Variants in CSMD1 observed in about 807,000 individuals in gnomAD.
The protein encoded by CSMD1 is CUB and sushi domain-containing protein 1.
In CSMD1, 213 loss-of-function variants were observed where a neutral mutation model predicts 417.5. That is an observed-to-expected ratio of 0.51 (90% CI 0.46 to 0.57). The LOEUF (loss-of-function observed/expected upper bound fraction) is 0.57, where lower values mean the gene tolerates loss of function less well. CSMD1 is among the 20% of genes least tolerant of loss of function. CSMD1 has a pLI of 0.00. For synonymous variants in CSMD1, 2,862 were observed against 1,736.8 expected, an observed-to-expected ratio of 1.65 and a Z score of -16.11; for missense variants, 6,923 against 4,529.7, an observed-to-expected ratio of 1.53 and a Z score of -15.17.
chr8:4,687,566 T>C (rs933467640), intron 1 of CSMD1, among the ~76,000 whole-genome samples: 9 of 152,308 alleles, frequency 5.9e-5, no homozygotes, highest in African/African-American at 2.2e-4. Flanking sequence ...AGAAATTTTA[T>C]AGGAGCATCA....
At chr8:4,453,905 T>C (rs1252105995) in intron 2 of CSMD1, among the ~76,000 whole-genome samples, 2 of 133,248 alleles carry the variant, frequency 1.5e-5, no homozygotes, top group Admixed American at 8.8e-5. Context: ...CACTGCCAGC[T>C]CCGCCTCCCA....
intron 7 of CSMD1, among the ~76,000 whole-genome samples, chr8:3,648,845 T>A (rs74419593): frequency 6.6e-6 from 1 of 152,218 alleles, no homozygotes; most frequent in Non-Finnish European, 1.5e-5. Flanking sequence ...TCTTATGTTA[T>A]GTTGTTACCA....
intron 39 of CSMD1, among the ~76,000 whole-genome samples, chr8:3,157,293 C>A (rs973513765): frequency 6.6e-6 from 1 of 152,140 alleles, no homozygotes; most frequent in Non-Finnish European, 1.5e-5. Flanking sequence ...CTTGTGACCA[C>A]CACCTTCAAT....
rs554529208 is a variant in CSMD1 at position 4,927,159 on chromosome 8, T to C, written c.85+67173A>G. Reference sequence around the variant, plus strand: ...CTCACTCTGTTGCACCAGGCTGGAGTGCAATGGCACAATCTCAGCTCAGGG... The same window carrying C: ...CTCACTCTGTTGCACCAGGCTGGAGCGCAATGGCACAATCTCAGCTCAGGG... On this transcript the variant is annotated intron_variant, in intron 1 of 69. Transcript: ENST00000635120. Among the ~76,000 whole-genome samples the C allele has an allele frequency of 9.3e-5, 14 of 151,080 alleles. No individual in the cohort carries two copies. In the South Asian group the frequency reaches 2.7e-3, roughly 29 times the overall value.
chr8:4,255,423 G>A (rs892383404), intron 3 of CSMD1, among the ~76,000 whole-genome samples: 1 of 152,164 alleles, frequency 6.6e-6, no homozygotes, highest in African/African-American at 2.4e-5. Context: ...AGTAAAAATT[G>A]CTGTTTTCTC....
intron 5 of CSMD1, among the ~76,000 whole-genome samples, chr8:3,880,619 T>C (rs1214568935): frequency 2.0e-5 from 3 of 152,246 alleles, no homozygotes; most frequent in African/African-American, 7.2e-5. Flanking sequence ...TTCTCCATTT[T>C]AAATCTAGGA....
intron 3 of CSMD1, among the ~76,000 whole-genome samples, chr8:4,385,867 A>G (rs1282170200): frequency 1.3e-5 from 2 of 152,234 alleles, no homozygotes; most frequent in East Asian, 1.9e-4. Context: ...TTAAAAATAT[A>G]TGCTTAAAAA....
At chr8:3,091,181 T>A (rs889421474) in intron 48 of CSMD1, among the ~76,000 whole-genome samples, 1 of 152,060 alleles carries the variant, frequency 6.6e-6, no homozygotes, top group Non-Finnish European at 1.5e-5. Context: ...AATACAATTA[T>A]CTTTTTCTAT....
At chr8:3,253,849 T>G (rs971389937) in intron 26 of CSMD1, among the ~76,000 whole-genome samples, 2 of 152,234 alleles carry the variant, frequency 1.3e-5, no homozygotes, top group African/African-American at 4.8e-5. Flanking sequence ...CTGTGTCTTT[T>G]AGTTGGAGCA....
At chr8:3,374,238 C>A (rs900937775) in intron 18 of CSMD1, among the ~76,000 whole-genome samples, 1 of 152,064 alleles carries the variant, frequency 6.6e-6, no homozygotes, top group Non-Finnish European at 1.5e-5. Flanking sequence ...AGATTACAGG[C>A]GTGAGCCACC....
chr8:4,292,261 G>C (rs886867355), intron 3 of CSMD1, among the ~76,000 whole-genome samples: 6 of 151,762 alleles, frequency 4.0e-5, no homozygotes, highest in Non-Finnish European at 8.8e-5. Context: ...TTGTTGTTTA[G>C]TTTTGTTTTG....
intron 7 of CSMD1, among the ~76,000 whole-genome samples, chr8:3,645,692 A>G (rs1797539430): frequency 6.6e-6 from 1 of 152,206 alleles, no homozygotes; most frequent in South Asian, 2.1e-4. Flanking sequence ...TTGCCTTTGA[A>G]AGAACTTTAC....
At chr8:4,860,865 C>A (rs1353032448) in intron 1 of CSMD1, among the ~76,000 whole-genome samples, 2 of 152,082 alleles carry the variant, frequency 1.3e-5, no homozygotes, top group African/African-American at 4.8e-5. Context: ...ACGTTCACAT[C>A]CCTGCTTCTC....
Position 4,802,352 on chromosome 8 carries a change from C to CGTGT in CSMD1, c.86-164798_86-164795dup, listed in dbSNP as rs34030430. Among the ~76,000 whole-genome samples the CGTGT allele has an allele frequency of 3.6e-3, 520 of 146,400 alleles. 2 individuals carry two copies. Among genetic ancestry groups the CGTGT allele is most frequent in the African/African-American group, 6.8e-3 (264 of 38,872 alleles). On this transcript the variant is annotated intron_variant, in intron 1 of 69. Transcript: ENST00000635120. ...AACAAGCAAAATGAGTGTGTGCGCG[C>CGTGT]GTGTGTGTGTGTGTGTGTGTGTGTG...
intron 28 of CSMD1, among the ~76,000 whole-genome samples, chr8:3,222,785 T>C (rs1453018936): frequency 6.6e-6 from 1 of 152,204 alleles, no homozygotes; most frequent in Non-Finnish European, 1.5e-5. Context: ...TGTGGCAGTT[T>C]AGTAAATTCA....
In CSMD1 at chr8:4,172,121, G is replaced by C. The variant is rs77214156; in HGVS notation, c.416-140022C>G. ...GTTTATCATGCGGATCATTTCAGTAGGTGCATGACTACCTAAAATTTGAAA... is the reference window on the plus strand; with the variant it reads ...GTTTATCATGCGGATCATTTCAGTACGTGCATGACTACCTAAAATTTGAAA... On this transcript the variant is annotated intron_variant, in intron 3 of 69. Transcript: ENST00000635120. Among the ~76,000 whole-genome samples the C allele has an allele frequency of 1.3e-4, 20 of 152,060 alleles. 1 individual carries two copies. The highest frequency in any genetic ancestry group is 4.8e-4 in the African/African-American group (20 of 41,444).
chr8:4,218,815 A>C (rs1171741165), intron 3 of CSMD1, among the ~76,000 whole-genome samples: 1 of 152,134 alleles, frequency 6.6e-6, no homozygotes, highest in Non-Finnish European at 1.5e-5. Flanking sequence ...TCTCAGTGTC[A>C]ATCCTTTTAT....
chr8:4,287,814 G>A (rs1478022909), intron 3 of CSMD1, among the ~76,000 whole-genome samples: 1 of 151,922 alleles, frequency 6.6e-6, no homozygotes, highest in Non-Finnish European at 1.5e-5. Context: ...ACCTCTCTGT[G>A]GCCCACTGAA....
At chr8:3,843,415 A>G (rs181425927) in intron 5 of CSMD1, among the ~76,000 whole-genome samples, 17 of 152,312 alleles carry the variant, frequency 1.1e-4, no homozygotes, top group South Asian at 4.1e-4. Flanking sequence ...TTTAAAGTCA[A>G]AGTTGGTTTC....
Sources: allele counts gnomAD v4.1 joint callset (sites outside exome capture counted in the v4.1 genomes callset), GRCh38; gene constraint gnomAD v4.1.1; transcripts MANE v1.5; gene names NCBI Gene and HGNC (gene_info 2026-07-23, HGNC 2026-07-21).